The following ZFYVE16 variants were observed in gnomAD, a reference collection of about 807,000 sequenced individuals.
ZFYVE16 encodes zinc finger FYVE-type containing 16.
Under a neutral mutation model 138.1 loss-of-function variants are expected in ZFYVE16, and 89 were observed. The ratio of observed to expected loss-of-function variants is 0.64; its 90% CI spans 0.54 to 0.77. ZFYVE16 has a LOEUF of 0.77. Among genes scored for constraint, ZFYVE16 ranks in the 30% least tolerant of loss-of-function variants. ZFYVE16 has a pLI of 0.00. For missense variants in ZFYVE16, 1,793 were observed against 1,786.7 expected (o/e 1.00, Z -0.06); for synonymous variants, 596 against 618.3 (o/e 0.96, Z 0.53).
chr5:80,410,602 C>T (rs910024758), intron 1 of ZFYVE16, among the ~76,000 whole-genome samples: 3 of 151,566 alleles, frequency 2.0e-5, no homozygotes, highest in South Asian at 2.1e-4. Context: ...GACAGAGTCT[C>T]GCTCTTTCGC....
intron 11 of ZFYVE16, among the ~76,000 whole-genome samples, chr5:80,452,692 T>C (rs760672132): frequency 1.6e-4 from 25 of 152,184 alleles, no homozygotes; most frequent in Non-Finnish European, 3.4e-4. Context: ...CTCACTATAA[T>C]TAAAAGCTAA....
At chr5:80,450,205 G>A (rs1208304303) in intron 9 of ZFYVE16, among the ~76,000 whole-genome samples, 1 of 151,946 alleles carries the variant, frequency 6.6e-6, no homozygotes, top group African/African-American at 2.4e-5. Context: ...CTACATTTCA[G>A]CATTTAGTGC....
intron 1 of ZFYVE16, among the ~76,000 whole-genome samples, chr5:80,423,885 A>AT (rs1295175352): frequency 6.6e-6 from 1 of 151,290 alleles, no homozygotes. Context: ...GGCCAAAATT[A>AT]TTTTTGTTTT....
At chr5:80,416,556 ATTT>A (rs56106254) in intron 1 of ZFYVE16, among the ~76,000 whole-genome samples, 12 of 142,260 alleles carry the variant, frequency 8.4e-5, no homozygotes, top group African/African-American at 1.6e-4. Context: ...CGCCCAGCCG[ATTT>A]TTTTTTTTTT....
intron 3 of ZFYVE16, among the ~76,000 whole-genome samples, chr5:80,434,576 A>G (rs1749602037): frequency 6.6e-6 from 1 of 152,088 alleles, no homozygotes; most frequent in Admixed American, 6.6e-5. Context: ...CCCGAGGCTC[A>G]AGCATTTCTC....
chr5:80,441,848 C>G (rs1475901576), intron 5 of ZFYVE16: 3 of 985,196 alleles, frequency 3.0e-6, no homozygotes, highest in East Asian at 2.3e-4. Context: ...GATAGCAGAT[C>G]AGTTTGGAGA....
At position 80,438,732 on chromosome 5, in the gene ZFYVE16, A is replaced by AC; in HGVS notation, c.2049dup (p.Val684ArgfsTer13). The AC allele has an allele frequency of 6.2e-7, 1 of 1,614,150 alleles. No homozygotes were observed. The highest frequency in any genetic ancestry group is 8.5e-7 in the Non-Finnish European group (1 of 1,179,988). ...AGAAAGTGAACCCAGCACAGCAGAT[A>AC]CCGTTGTTCCAATCACTTGTGCTAT... On this transcript the variant is annotated frameshift_variant, in exon 4 of 19. Transcript: ENST00000505560. LOFTEE classifies it high-confidence loss of function.
intron 6 of ZFYVE16, among the ~76,000 whole-genome samples, 175 bp downstream of exon 6, chr5:80,443,459 T>C (rs1750945675): frequency 6.6e-6 from 1 of 152,146 alleles, no homozygotes; most frequent in African/African-American, 2.4e-5. Context: ...AAGGCTGTGC[T>C]CAAGTGCCGC....
Position 80,438,448 on chromosome 5 carries a change from A to T in ZFYVE16, c.1763A>T (p.Glu588Val). The T allele has an allele frequency of 6.2e-7, 1 of 1,613,950 alleles. No homozygotes were observed. Among genetic ancestry groups the T allele is most frequent in the Non-Finnish European group, 8.5e-7 (1 of 1,179,898 alleles). ...YFNAEAGAIG[E>V]SHGINIICEI... The stretch of plus-strand genomic sequence containing the variant: ...AATGCAGAAGCAGGAGCTATTGGGG[A>T]AAGTCATGGTATTAATATAATTTGT... Residue 588 changes from glutamate (E) to valine (V), a missense_variant, in exon 4 of 19, where the codon GAA becomes GTA. Physicochemically the swap from Glu to Val is moderately radical, Grantham distance 121. Coordinates refer to ENST00000505560, the MANE Select transcript of ZFYVE16 (RefSeq NM_001284236.3).
At chr5:80,475,808 C>T (rs1213569046) in intron 18 of ZFYVE16, among the ~76,000 whole-genome samples, 2 of 152,086 alleles carry the variant, frequency 1.3e-5, no homozygotes, top group East Asian at 1.9e-4. Flanking sequence ...TTTACATAAG[C>T]GTAAGTATAT....
chr5:80,475,390 A>G (rs1207890453), intron 18 of ZFYVE16, among the ~76,000 whole-genome samples: 2 of 152,252 alleles, frequency 1.3e-5, no homozygotes, highest in Non-Finnish European at 2.9e-5. Flanking sequence ...TCTGGAGATA[A>G]TAACTCCAGA....
rs556620809 is a variant in ZFYVE16, at chr5:80,455,493, C to T, written c.3608-199C>T. 6.0e-4 allele frequency: 308 copies of T among 510,808 alleles called. 1 individual carries two copies. The highest frequency in any genetic ancestry group is 1.1e-3 in the Middle Eastern group (2 of 1,834). The allele number at this position is 510,808 out of a possible 1,614,324, so 31.6% of individuals were successfully genotyped here. On this transcript the variant is annotated intron_variant, in intron 11 of 18. Coordinates refer to ENST00000505560, the MANE Select transcript of ZFYVE16 (RefSeq NM_001284236.3). ...AGGTTGCAATGAGTCGAGATTGCAC[C>T]GCTGCACTCCAGCCTGGGCAACAGA...
intron 15 of ZFYVE16, among the ~76,000 whole-genome samples, chr5:80,470,043 ATGTGTGTGTGTGTATATATACGTG>A (rs1754157184): frequency 6.9e-6 from 1 of 144,820 alleles, no homozygotes; most frequent in Non-Finnish European, 1.5e-5. Flanking sequence ...GTGTATATAT[ATGTGTGTGTGTGTATATATACGTG>A]TGTGTGTGTG....
At chr5:80,460,414 G>C (rs1752979457) in intron 15 of ZFYVE16, among the ~76,000 whole-genome samples, 1 of 151,954 alleles carries the variant, frequency 6.6e-6, no homozygotes, top group Non-Finnish European at 1.5e-5. Flanking sequence ...TTAAATAGAA[G>C]TTCTCATTTT....
Position 80,466,809 on chromosome 5 carries a change from G to T in ZFYVE16, c.4025-5952G>T, listed in dbSNP as rs568377439. 3.9e-5 allele frequency among the ~76,000 whole-genome samples: 6 copies of T among 152,306 alleles called. No homozygotes were observed. In the South Asian group the frequency reaches 1.0e-3, roughly 26 times the overall value. On this transcript the variant is annotated intron_variant, in intron 15 of 18. Coordinates refer to ENST00000505560, the MANE Select transcript of ZFYVE16 (RefSeq NM_001284236.3). ...CAAAGAATCAGAAGCAACTCTTTCA[G>T]AACTCTGGAAATTAGCCAAAAGTTT... is the stretch of plus-strand genomic sequence containing the variant.
intron 3 of ZFYVE16, among the ~76,000 whole-genome samples, chr5:80,435,049 T>G (rs1410621202): frequency 6.6e-6 from 1 of 151,386 alleles, no homozygotes; most frequent in Non-Finnish European, 1.5e-5. Context: ...GTTTGTTTGT[T>G]TCTGAGACGG....
At chr5:80,431,221 A>G (rs576852875) in intron 2 of ZFYVE16, among the ~76,000 whole-genome samples, 1 of 152,342 alleles carries the variant, frequency 6.6e-6, no homozygotes, top group South Asian at 2.1e-4. Context: ...CCAACAGTAC[A>G]TCAAAAAGCT....
chr5:80,470,323 G>C (rs769212145), intron 15 of ZFYVE16, among the ~76,000 whole-genome samples: 5 of 151,406 alleles, frequency 3.3e-5, no homozygotes, highest in Admixed American at 2.6e-4. Context: ...GGATGGTCTC[G>C]ATCTCCTGAC....
Position 80,481,194 on chromosome 5 carries a change from C to T in ZFYVE16, c.*3817C>T, listed in dbSNP as rs529916335. Among the ~76,000 whole-genome samples the T allele has an allele frequency of 1.3e-5, 2 of 152,300 alleles. No individual in the cohort carries two copies. The highest frequency in any genetic ancestry group is 3.9e-4 in the East Asian group (2 of 5,184). On this transcript the variant is annotated 3_prime_UTR_variant, in exon 19 of 19. Coordinates refer to ENST00000505560, the MANE Select transcript of ZFYVE16 (RefSeq NM_001284236.3). ...AGCAGTAAAGAGGTATCACTCTTCT[C>T]TTCCCCCTGGTGCACTAGTGGCAGA...
Sources: gnomAD v4.1 joint callset for allele counts (sites outside exome capture counted in the v4.1 genomes callset) on GRCh38, gnomAD v4.1.1 for gene constraint, MANE v1.5 for transcripts, NCBI Gene and HGNC (gene_info 2026-07-23, HGNC 2026-07-21) for gene names.